The following KIDINS220 variants were observed in gnomAD, a reference collection of about 807,000 sequenced individuals.
The protein encoded by KIDINS220 is kinase D-interacting substrate of 220 kDa.
A neutral mutation model predicts 157.6 loss-of-function variants in KIDINS220; 63 were observed. That is an observed-to-expected ratio of 0.40 (90% CI 0.33 to 0.49). The LOEUF is 0.49. KIDINS220 is among the 20% of genes least tolerant of loss of function. The pLI, the probability that KIDINS220 is intolerant of heterozygous loss-of-function variation, is 0.66. For synonymous variants in KIDINS220, 732 were observed against 783.6 expected, an observed-to-expected ratio of 0.93 and a Z score of 1.10; for missense variants, 1,772 against 2,171.2, an observed-to-expected ratio of 0.82 and a Z score of 3.65.
chr2:8,753,983 A>C (rs1667694207), intron 22 of KIDINS220, among the ~76,000 whole-genome samples: 1 of 152,246 alleles, frequency 6.6e-6, no homozygotes, highest in South Asian at 2.1e-4. Flanking sequence ...ATCGTGTTCA[A>C]ACTGATTATT....
downstream of KIDINS220, chr2:8,723,496 A>C (rs142695899): frequency 6.6e-6 from 1 of 152,214 alleles, no homozygotes; most frequent in African/African-American, 2.4e-5. Context: ...ACCCTCCCTC[A>C]ACATAATAAA....
chr2:8,817,622 T>A lies in KIDINS220; in HGVS notation c.302A>T (p.Asp101Val). The A allele has an allele frequency of 6.3e-7, 1 of 1,589,640 alleles. No homozygotes were observed. Among genetic ancestry groups the A allele is most frequent in the Non-Finnish European group, 8.6e-7 (1 of 1,161,804 alleles). Residue 101 changes from aspartate to valine, a missense_variant, in exon 4 of 30, where the codon GAT becomes GTT. Physicochemically the swap from Asp to Val is radical, Grantham distance 152 (BLOSUM62 -3). This residue lies in a region of KIDINS220 where 254 missense variants were observed against 268.6 expected (regional missense o/e 0.95). Transcript: ENST00000256707. ...AACATATAAAAATGTCCATACCATATCACGGTGCTCCAAGTTAACCCCACA... is the reference window on the plus strand; with the variant it reads ...AACATATAAAAATGTCCATACCATAACACGGTGCTCCAAGTTAACCCCACA... Reference protein sequence around the residue: ...LKCGVNLEHRDMGGWTALMWA... With the variant: ...LKCGVNLEHRVMGGWTALMWA...
intron 16 of KIDINS220, 59 bp from the exon 17 acceptor site, chr2:8,786,089 A>G (rs1672359992): frequency 3.2e-6 from 5 of 1,561,604 alleles, no homozygotes; most frequent in Admixed American, 1.8e-5. Flanking sequence ...AAATCCTAAC[A>G]TTATAGTCAC....
intron 11 of KIDINS220, among the ~76,000 whole-genome samples, chr2:8,796,327 T>C (rs180962625): frequency 2.8e-4 from 42 of 152,346 alleles, no homozygotes; most frequent in Admixed American, 1.7e-3. Context: ...AAACTTATTA[T>C]AGAAAATATA....
downstream of KIDINS220, chr2:8,726,998 G>T (rs1663386042): frequency 2.6e-6 from 3 of 1,172,896 alleles, no homozygotes; most frequent in Admixed American, 6.9e-5. Context: ...TATTTAATCA[G>T]TCTCAACCAG....
chr2:8,732,582 T>TAGCTAA (rs1264084647), intron 29 of KIDINS220, among the ~76,000 whole-genome samples: 2 of 152,070 alleles, frequency 1.3e-5, no homozygotes, highest in Non-Finnish European at 2.9e-5. Context: ...GATCCCAGAA[T>TAGCTAA]AGCTAAGAAA....
intron 1 of KIDINS220, among the ~76,000 whole-genome samples, chr2:8,834,190 T>C (rs1680052003): frequency 6.6e-6 from 1 of 152,134 alleles, no homozygotes; most frequent in African/African-American, 2.4e-5. Flanking sequence ...CACAGAGGCC[T>C]AAGTGGTCCT....
intron 2 of KIDINS220, among the ~76,000 whole-genome samples, chr2:8,823,128 C>A (rs766310652): frequency 6.6e-5 from 10 of 151,988 alleles, no homozygotes; most frequent in Non-Finnish European, 1.3e-4. Flanking sequence ...AGGTGCCACA[C>A]CTGGCTAATA....
At chr2:8,830,310 T>G (rs1351233084) in intron 1 of KIDINS220, among the ~76,000 whole-genome samples, 1 of 152,232 alleles carries the variant, frequency 6.6e-6, no homozygotes, top group Non-Finnish European at 1.5e-5. Context: ...GGACCTCAAA[T>G]GCCAGGAGGA....
Position 8,744,387 on chromosome 2 carries a change from AAATATATATATAT to A in KIDINS220, c.3585+2745_3585+2757del, listed in dbSNP as rs1558328218. Among the ~76,000 whole-genome samples the A allele has an allele frequency of 1.4e-4, 4 of 27,744 alleles. 1 individual carries two copies. Among genetic ancestry groups the A allele is most frequent in the Admixed American group, 6.8e-4 (1 of 1,466 alleles). The allele number at this position is 27,744 out of a possible 152,430, so 18.2% of individuals were successfully genotyped here. A position where few individuals can be genotyped will look rare whatever the true frequency, so the allele number is the denominator to read the frequency against. On this transcript the variant is annotated intron_variant, in intron 26 of 29. Transcript: ENST00000256707. Reference sequence around the variant, plus strand: ...GCAAAAAAAAAAAAAAAAAAAAAAAAAATATATATATATAATATATATATATATATATATATAT... The same window carrying A: ...GCAAAAAAAAAAAAAAAAAAAAAAAAAATATATATATATATATATATATAT...
intron 26 of KIDINS220, among the ~76,000 whole-genome samples, chr2:8,744,388 A>ATATATATCT (rs1558328231): frequency 3.8e-5 from 1 of 26,160 alleles, no homozygotes; most frequent in Non-Finnish European, 5.9e-5. Flanking sequence ...AAAAAAAAAA[A>ATATATATCT]ATATATATAT....
In KIDINS220 at chr2:8,731,529, A is replaced by G. The variant is rs751238436; in HGVS notation, c.4507T>C (p.Phe1503Leu). Reference protein sequence around the residue: ...GKKSSERSSLFQTDLKLKGSG... With the variant: ...GKKSSERSSLLQTDLKLKGSG... The stretch of plus-strand genomic sequence containing the variant: ...CCCTTAAGCTTCAAATCTGTCTGGA[A>G]GAGGCTTGACCTTTCGGAAGATTTC... Residue 1503 changes from phenylalanine to leucine, a missense_variant, in exon 30 of 30, where the codon TTC (phenylalanine) becomes CTC (leucine). Phe to Leu is a conservative substitution (Grantham distance 22). Transcript: ENST00000256707. This position sits in a 1 kb window ranked among gnomAD's most constrained non-coding sequence, Gnocchi z 5.2. The G allele has an allele frequency of 4.3e-6, 7 of 1,614,224 alleles. No individual in the cohort carries two copies. The Middle Eastern group carries it at 1.2e-3, about 266-fold the overall frequency.
chr2:8,722,678 T>C (rs1425830860), downstream of KIDINS220: 1 of 152,032 alleles, frequency 6.6e-6, no homozygotes, highest in African/African-American at 2.4e-5. Context: ...GATCTGAGAG[T>C]CCCTTGAATA....
intron 21 of KIDINS220, among the ~76,000 whole-genome samples, chr2:8,774,945 T>A (rs1418372805): frequency 6.6e-6 from 1 of 152,152 alleles, no homozygotes; most frequent in Non-Finnish European, 1.5e-5. Context: ...GTTAGACTAT[T>A]TCCATAATTA....
intron 2 of KIDINS220, 23 bp downstream of exon 2, chr2:8,826,963 T>C: frequency 7.3e-7 from 1 of 1,368,468 alleles, no homozygotes. Context: ...TGAAAGAATG[T>C]AATTTTGCAA....
chr2:8,745,713 C>T (rs370986160), intron 26 of KIDINS220, among the ~76,000 whole-genome samples: 1 of 152,108 alleles, frequency 6.6e-6, no homozygotes, highest in Non-Finnish European at 1.5e-5. Context: ...GCAGGAGAAT[C>T]GCTTGAAACC....
intron 29 of KIDINS220, among the ~76,000 whole-genome samples, chr2:8,732,440 A>G (rs1664254521): frequency 6.6e-6 from 1 of 152,238 alleles, no homozygotes; most frequent in South Asian, 2.1e-4. Context: ...CTTTTATTTA[A>G]GGCCAAAGTC....
At chr2:8,721,934 A>G (rs1163092668), downstream of KIDINS220, 4 of 151,954 alleles carry the variant, frequency 2.6e-5, no homozygotes, top group Admixed American at 6.5e-5. Context: ...CCATTTTATT[A>G]TAACAAATAC....
chr2:8,800,894 T>C (rs988966747), intron 8 of KIDINS220, among the ~76,000 whole-genome samples: 1 of 152,222 alleles, frequency 6.6e-6, no homozygotes, highest in Non-Finnish European at 1.5e-5. Context: ...TAATGCTATA[T>C]GACGAAAGCC....
Sources: allele counts gnomAD v4.1 joint callset (sites outside exome capture counted in the v4.1 genomes callset), GRCh38; gene constraint gnomAD v4.1.1; regional missense constraint gnomAD v4.1.1; non-coding constraint Gnocchi (gnomAD v3.1); transcripts MANE v1.5; gene names NCBI Gene and HGNC (gene_info 2026-07-23, HGNC 2026-07-21).